Variants in PCDHGB6 observed in about 807,000 individuals in gnomAD.
PCDHGB6 encodes the protein protocadherin gamma subfamily B, 6.
In PCDHGB6, 51 loss-of-function variants were observed where a neutral mutation model predicts 59.1. The observed-to-expected ratio is 0.86, with a 90% confidence interval of 0.69 to 1.09. PCDHGB6 has a LOEUF of 1.09. Among genes scored for constraint, PCDHGB6 ranks in the 50% least tolerant of loss-of-function variants. PCDHGB6 has a pLI of 0.00. For synonymous variants in PCDHGB6, 466 were observed against 495.1 expected, an observed-to-expected ratio of 0.94 and a Z score of 0.78; for missense variants, 1,148 against 1,205.1, an observed-to-expected ratio of 0.95 and a Z score of 0.70.
intron 1 of PCDHGB6, chr5:141,413,586 C>G (rs2095657085): frequency 2.5e-6 from 4 of 1,613,724 alleles, no homozygotes; most frequent in Admixed American, 1.7e-5. Context: ...CTCCAAAATT[C>G]CAAGCAGAAA....
chr5:141,423,438 C>T lies in PCDHGB6; in HGVS notation c.2418+12818C>T, dbSNP rs2096741369. 5 of 1,613,942 alleles carry T rather than the reference C, an allele frequency of 3.1e-6. No homozygotes were observed. In the East Asian group the frequency reaches 8.9e-5, roughly 29 times the overall value. On this transcript the variant is annotated intron_variant, in intron 1 of 3. Transcript: ENST00000520790. Reference sequence around the variant, plus strand: ...CTGAAGGCGGGTTGGCAGGTATGCCCACGTCACATTTTGTAGGCGTGGACG... The same window carrying T: ...CTGAAGGCGGGTTGGCAGGTATGCCTACGTCACATTTTGTAGGCGTGGACG...
Position 141,475,971 on chromosome 5 carries a change from C to G in PCDHGB6, c.2419-18836C>G, listed in dbSNP as rs750016455. On this transcript the variant is annotated intron_variant, in intron 1 of 3. Coordinates refer to ENST00000520790, the MANE Select transcript of PCDHGB6 (RefSeq NM_018926.3). The stretch of plus-strand genomic sequence containing the variant: ...TCTGCGCCCCGGGATGAGGCAGAGA[C>G]TGAACAGCCGGCGAGCAAATCAACG... 2.5e-5 allele frequency: 24 copies of G among 954,292 alleles called. No individual in the cohort carries two copies. In the African/African-American group the frequency reaches 3.4e-4, roughly 14 times the overall value. 59.1% of individuals were successfully genotyped at this position (954,292 alleles called of 1,614,324 possible). A position where few individuals can be genotyped will look rare whatever the true frequency, so the allele number is the denominator to read the frequency against.
intron 1 of PCDHGB6, chr5:141,418,230 A>T (rs745395585): frequency 6.2e-7 from 1 of 1,614,058 alleles, no homozygotes; most frequent in Non-Finnish European, 8.5e-7. Context: ...GTGGTGATTG[A>T]GGATGTTAAT....
intron 1 of PCDHGB6, among the ~76,000 whole-genome samples, chr5:141,430,040 T>C (rs1449876504): frequency 1.3e-5 from 2 of 152,232 alleles, no homozygotes; most frequent in African/African-American, 2.4e-5. Flanking sequence ...ATTCTGATAA[T>C]GTATACAATC....
intron 1 of PCDHGB6, chr5:141,478,141 C>T (rs770862398): frequency 6.2e-7 from 1 of 1,614,044 alleles, no homozygotes; most frequent in Non-Finnish European, 8.5e-7. Context: ...AAGCCCGAGC[C>T]GAGTTCCCCT....
chr5:141,420,044 T>C lies in PCDHGB6; in HGVS notation c.2418+9424T>C, dbSNP rs769790599. 1.7e-5 allele frequency: 27 copies of C among 1,613,934 alleles called. No individual in the cohort carries two copies. In the East Asian group the frequency reaches 6.0e-4, roughly 36 times the overall value. On this transcript the variant is annotated intron_variant, in intron 1 of 3. Coordinates refer to ENST00000520790, the MANE Select transcript of PCDHGB6 (RefSeq NM_018926.3). ...CCCTACTGCAGGAGACTGCTTTGAG[T>C]CAGTTCTCTGCTCCAAGTCCGGACC...
At position 141,431,998 on chromosome 5, in the gene PCDHGB6, A is replaced by G. The variant is rs201105272; in HGVS notation, c.2418+21378A>G. The G allele has an allele frequency of 1.2e-6, 2 of 1,614,176 alleles. No homozygotes were observed. Among genetic ancestry groups the G allele is most frequent in the Admixed American group, 1.7e-5 (1 of 60,030 alleles). On this transcript the variant is annotated intron_variant, in intron 1 of 3. Coordinates refer to ENST00000520790, the MANE Select transcript of PCDHGB6 (RefSeq NM_018926.3). This position sits in a 1 kb window ranked among gnomAD's most constrained non-coding sequence, Gnocchi z 4.8. The stretch of plus-strand genomic sequence containing the variant: ...TCACAGACATAGTCTTGGATAGGGA[A>G]CAGGTTCCTAGCTACAACATCACAG...
chr5:141,409,424 G>A lies in PCDHGB6; in HGVS notation c.1222G>A (p.Gly408Arg). Residue 408 changes from glycine (G) to arginine (R), a missense_variant, in exon 1 of 4, where the codon GGA (glycine) becomes AGA (arginine). Around this residue, in one of 5 missense-constraint regions of PCDHGB6, gnomAD observed 549 missense variants for 527.5 expected, o/e 1.04. Coordinates refer to ENST00000520790, the MANE Select transcript of PCDHGB6 (RefSeq NM_018926.3). ...TAACTACTACAAACTGGTGACAGAT[G>A]GAGCCCTGGACCGAGAGCAGACACC... ...SNNYYKLVTD[G>R]ALDREQTPEY... The A allele has an allele frequency of 6.2e-7, 1 of 1,613,998 alleles. No homozygotes were observed. Among genetic ancestry groups the A allele is most frequent in the Non-Finnish European group, 8.5e-7 (1 of 1,179,902 alleles).
chr5:141,458,823 C>T (rs1185812086), intron 1 of PCDHGB6, among the ~76,000 whole-genome samples: 1 of 152,126 alleles, frequency 6.6e-6, no homozygotes, highest in African/African-American at 2.4e-5. Flanking sequence ...ACCTCTGCCT[C>T]CCAGGCTCAA....
intron 1 of PCDHGB6, among the ~76,000 whole-genome samples, chr5:141,435,715 A>T (rs528951395): frequency 5.9e-5 from 9 of 152,210 alleles, no homozygotes; most frequent in Non-Finnish European, 1.0e-4. Context: ...ACAGACACTG[A>T]ATGCTAAAGT....
chr5:141,441,150 T>C (rs1421773650), intron 1 of PCDHGB6: 4 of 152,122 alleles, frequency 2.6e-5, no homozygotes, highest in African/African-American at 7.2e-5. Context: ...ATAATGACAA[T>C]ATCCTAGAGG....
At chr5:141,423,994 A>G (rs2096794168) in intron 1 of PCDHGB6, 17 of 1,081,216 alleles carry the variant, frequency 1.6e-5, no homozygotes, top group Non-Finnish European at 1.8e-5. Flanking sequence ...TCAATTTATT[A>G]TATATAGATA....
chr5:141,422,563 G>A, intron 1 of PCDHGB6: 3 of 1,613,986 alleles, frequency 1.9e-6, no homozygotes, highest in African/African-American at 1.3e-5. Flanking sequence ...TGTGGCAGAT[G>A]ACAACGATAA....
At position 141,408,836 on chromosome 5, in the gene PCDHGB6, T is replaced by C. The variant is rs772595834; in HGVS notation, c.634T>C (p.Leu212=). The C allele has an allele frequency of 5.0e-6, 8 of 1,613,680 alleles. No individual in the cohort carries two copies. In the South Asian group the frequency reaches 6.6e-5, roughly 13 times the overall value. The part of the protein sequence containing the change: ...REEQRSHSLI[L]TALDGGDPPR... ...AGAACAGAGATCTCATAGCTTGATA[T>C]TGACTGCCTTGGACGGAGGGGACCC... Residue 212 remains leucine, a synonymous_variant, in exon 1 of 4, where the codon TTG becomes CTG. Transcript: ENST00000520790.
rs1469424988 is a variant in PCDHGB6 at position 141,408,761 on chromosome 5, G to A, written c.559G>A (p.Asp187Asn). 14 of 1,610,446 alleles carry A rather than the reference G, an allele frequency of 8.7e-6. No homozygotes were observed. The highest frequency in any genetic ancestry group is 1.2e-5 in the Non-Finnish European group (14 of 1,178,208). ...YFSLMVRVNS[D>N]GGKYPELSLE... is the part of the protein sequence containing the mutation. ...TTCATTAATGGTTAGAGTTAATTCCGATGGTGGCAAATACCCAGAGTTATC... is the reference window on the plus strand; with the variant it reads ...TTCATTAATGGTTAGAGTTAATTCCAATGGTGGCAAATACCCAGAGTTATC... The change falls in exon 1 of 4, where the codon GAT (aspartate) becomes AAT (asparagine). Residue 187 changes from aspartate (D) to asparagine (N), a missense_variant. By Grantham distance (23) the Asp-to-Asn change is conservative. This residue lies in a region of PCDHGB6 where 307 missense variants were observed against 323.8 expected (regional missense o/e 0.95). Transcript: ENST00000520790.
intron 1 of PCDHGB6, chr5:141,478,581 T>C: frequency 6.3e-7 from 1 of 1,580,158 alleles, no homozygotes; most frequent in Non-Finnish European, 8.6e-7. Flanking sequence ...ACCCTGTTAG[T>C]GCTTTTTTAT....
At position 141,502,349 on chromosome 5, in the gene PCDHGB6, T is replaced by C. The variant is rs369766657; in HGVS notation, c.2478-3044T>C. 1.3e-3 allele frequency among the ~76,000 whole-genome samples: 200 copies of C among 152,292 alleles called. 3 individuals carry two copies. In the South Asian group the frequency reaches 0.034, roughly 26 times the overall value. On this transcript the variant is annotated intron_variant, in intron 2 of 3. Transcript: ENST00000520790. ...GCTCCCAGTCTTTTTATTTTTTTAA[T>C]GACATGGATATTTTTAAAGAGTCCA...
At chr5:141,484,889 TC>T (rs1312115219) in intron 1 of PCDHGB6, 2 of 362,958 alleles carry the variant, frequency 5.5e-6, no homozygotes, top group Admixed American at 8.9e-5. Flanking sequence ...GTGGGCTTTT[TC>T]CCCTCCAATG....
At chr5:141,412,903 G>C (rs2095586511) in intron 1 of PCDHGB6, 1 of 376,030 alleles carries the variant, frequency 2.7e-6, no homozygotes, top group African/African-American at 2.1e-5. Context: ...ACTTTCCATT[G>C]CATGTATCAC....
Sources: allele counts gnomAD v4.1 joint callset (sites outside exome capture counted in the v4.1 genomes callset), GRCh38; gene constraint gnomAD v4.1.1; regional missense constraint gnomAD v4.1.1; non-coding constraint Gnocchi (gnomAD v3.1); transcripts MANE v1.5; gene names NCBI Gene and HGNC (gene_info 2026-07-23, HGNC 2026-07-21).